Variants in PTPRN2 observed in about 807,000 individuals in gnomAD.
PTPRN2 encodes the protein protein tyrosine phosphatase receptor type N2.
In PTPRN2, 74 loss-of-function variants were observed where a neutral mutation model predicts 118.8. That is an observed-to-expected ratio of 0.62 (90% CI 0.52 to 0.76). The LOEUF (loss-of-function observed/expected upper bound fraction) is 0.76, where lower values mean the gene tolerates loss of function less well. PTPRN2 is among the 30% of genes least tolerant of loss of function. The pLI is 0.00. For synonymous variants in PTPRN2, 641 were observed against 608.0 expected (o/e 1.05, Z -0.80); for missense variants, 1,481 against 1,394.4 (o/e 1.06, Z -0.99).
rs1805310145 is a variant in PTPRN2 at position 157,801,628 on chromosome 7, A to T, written c.1788+97045T>A. Among the ~76,000 whole-genome samples the T allele has an allele frequency of 6.6e-6, 1 of 152,248 alleles. No individual in the cohort carries two copies. The highest frequency in any genetic ancestry group is 6.5e-5 in the Admixed American group (1 of 15,278). ...GAAGAAGGAAAGAGCAAATGTTTTA[A>T]AGGCCTAAAAATAATAATTTTCTCT... is the stretch of plus-strand genomic sequence containing the variant. On this transcript the variant is annotated intron_variant, in intron 12 of 22. Transcript: ENST00000389418. The surrounding 1 kb of genome is among the most constrained non-coding windows in gnomAD (Gnocchi z 4.2).
At chr7:157,811,325 T>C (rs969471811) in intron 12 of PTPRN2, among the ~76,000 whole-genome samples, 5 of 96,234 alleles carry the variant, frequency 5.2e-5, no homozygotes, top group Non-Finnish European at 9.7e-5. Flanking sequence ...TTTTGTAATC[T>C]ACTCTATTAT....
intron 2 of PTPRN2, among the ~76,000 whole-genome samples, chr7:158,325,312 A>C (rs1803405127): frequency 6.6e-6 from 1 of 151,824 alleles, no homozygotes; most frequent in South Asian, 2.1e-4. Flanking sequence ...CAGTGAACTA[A>C]CCATCTGCTT....
At chr7:157,581,487 G>A (rs1797736150) in intron 17 of PTPRN2, among the ~76,000 whole-genome samples, 1 of 152,152 alleles carries the variant, frequency 6.6e-6, no homozygotes, top group Non-Finnish European at 1.5e-5. Context: ...CAAACACAGG[G>A]GTTAAAGCCT....
chr7:157,836,507 T>A (rs1305143787), intron 12 of PTPRN2, among the ~76,000 whole-genome samples: 1 of 152,072 alleles, frequency 6.6e-6, no homozygotes, highest in East Asian at 1.9e-4. Context: ...GCACATGGGT[T>A]GAAGAACTTA....
chr7:158,463,624 T>C (rs1192050124), intron 2 of PTPRN2, among the ~76,000 whole-genome samples: 1 of 99,064 alleles, frequency 1.0e-5, no homozygotes, highest in Non-Finnish European at 2.2e-5. Context: ...ATCATTGTTA[T>C]CATCAACACC....
At chr7:158,332,111 G>A (rs1470738599) in intron 2 of PTPRN2, among the ~76,000 whole-genome samples, 3 of 149,700 alleles carry the variant, frequency 2.0e-5, no homozygotes, top group Non-Finnish European at 4.4e-5. Flanking sequence ...GAGGCCCACA[G>A]AGGTCACTCA....
rs1799139238 is a variant in PTPRN2 at position 157,560,612 on chromosome 7, G to A, written c.2902+8290C>T. Reference sequence around the variant, plus strand: ...ACCAGAATAGCTCAGGGGAAGGAAAGGCACAGAAAATAAACAACACACAGC... The same window carrying A: ...ACCAGAATAGCTCAGGGGAAGGAAAAGCACAGAAAATAAACAACACACAGC... On this transcript the variant is annotated intron_variant, in intron 21 of 22. Transcript: ENST00000389418. This position sits in a 1 kb window ranked among gnomAD's most constrained non-coding sequence, Gnocchi z 6.7. Among the ~76,000 whole-genome samples, 1 of 152,182 alleles carries A rather than the reference G, an allele frequency of 6.6e-6. No individual in the cohort carries two copies. Among genetic ancestry groups the A allele is most frequent in the African/African-American group, 2.4e-5 (1 of 41,450 alleles).
intron 22 of PTPRN2, among the ~76,000 whole-genome samples, chr7:157,548,583 C>A (rs1798438805): frequency 6.6e-6 from 1 of 152,252 alleles, no homozygotes; most frequent in Non-Finnish European, 1.5e-5. Flanking sequence ...AGAGGCCGGG[C>A]AGCGCTCAGA....
chr7:158,008,289 A>G (rs1805806708), intron 11 of PTPRN2, among the ~76,000 whole-genome samples: 1 of 152,250 alleles, frequency 6.6e-6, no homozygotes, highest in South Asian at 2.1e-4. Flanking sequence ...TACTGATTGC[A>G]TGATGGGAAA....
chr7:158,344,529 AC>A (rs35318167), intron 2 of PTPRN2, among the ~76,000 whole-genome samples: 37,127 of 152,014 alleles, frequency 0.24, 4,810 homozygotes, highest in Middle Eastern at 0.32. Flanking sequence ...AATACAAGAC[AC>A]CCTGGAGTCT....
chr7:157,604,358 C>T (rs997200359), intron 15 of PTPRN2, among the ~76,000 whole-genome samples: 4 of 152,228 alleles, frequency 2.6e-5, no homozygotes, highest in African/African-American at 4.8e-5. Flanking sequence ...TCCTCCCCTC[C>T]GTTTGTGATC....
chr7:158,395,437 T>C (rs59343101), intron 2 of PTPRN2, among the ~76,000 whole-genome samples: 1 of 134 alleles, frequency 7.5e-3, no homozygotes, highest in African/African-American at 0.026. Flanking sequence ...GGGCGAGGGG[T>C]GAGGCGCGAG....
chr7:158,149,802 T>TC (rs1820760238), intron 6 of PTPRN2, among the ~76,000 whole-genome samples: 1 of 91,618 alleles, frequency 1.1e-5, no homozygotes, highest in African/African-American at 3.8e-5. Context: ...AGAGTCCATC[T>TC]CAAAAAAAAA....
chr7:158,136,531 G>A (rs3800858), intron 8 of PTPRN2, 124 bp downstream of exon 8: 254,276 of 788,808 alleles, frequency 0.32, 42,879 homozygotes, highest in East Asian at 0.51. Flanking sequence ...GAGATTATGA[G>A]GGGTTTCTCC....
intron 11 of PTPRN2, among the ~76,000 whole-genome samples, chr7:157,978,310 G>A (rs887425423): frequency 3.9e-5 from 6 of 151,978 alleles, no homozygotes; most frequent in Admixed American, 6.6e-5. Flanking sequence ...TTGCAAAGAC[G>A]TCTTATGCTG....
At chr7:158,290,391 C>A (rs1212469416) in intron 3 of PTPRN2, among the ~76,000 whole-genome samples, 2 of 152,044 alleles carry the variant, frequency 1.3e-5, no homozygotes, top group African/African-American at 4.8e-5. Flanking sequence ...CAGCCTGGTG[C>A]CAGAGATGAT....
intron 12 of PTPRN2, among the ~76,000 whole-genome samples, chr7:157,873,495 G>A (rs962411497): frequency 5.3e-5 from 8 of 151,524 alleles, no homozygotes; most frequent in Non-Finnish European, 8.8e-5. Context: ...CTCAAGGTCC[G>A]TCTCGCCGTG....
At chr7:157,655,718 C>A (rs1045646506) in intron 14 of PTPRN2, among the ~76,000 whole-genome samples, 1 of 152,210 alleles carries the variant, frequency 6.6e-6, no homozygotes, top group Non-Finnish European at 1.5e-5. Context: ...CAGGAGGCAG[C>A]CAGCAGGACG....
intron 14 of PTPRN2, among the ~76,000 whole-genome samples, chr7:157,655,240 C>T (rs550167050): frequency 3.3e-5 from 5 of 152,276 alleles, no homozygotes; most frequent in Middle Eastern, 3.4e-3. Flanking sequence ...TTAAGTTATC[C>T]AGGGAGAAGG....
Sources: allele counts gnomAD v4.1 joint callset (sites outside exome capture counted in the v4.1 genomes callset), GRCh38; gene constraint gnomAD v4.1.1; non-coding constraint Gnocchi (gnomAD v3.1); transcripts MANE v1.5; gene names NCBI Gene and HGNC (gene_info 2026-07-23, HGNC 2026-07-21).